Variants in RBMS1 observed in about 807,000 individuals in gnomAD.
RBMS1 encodes the protein RNA-binding motif, single-stranded-interacting protein 1.
In RBMS1, 17 loss-of-function variants were observed where a neutral mutation model predicts 62.3. The ratio of observed to expected loss-of-function variants is 0.27; its 90% CI spans 0.19 to 0.41. The LOEUF (loss-of-function observed/expected upper bound fraction) is 0.41. Among genes scored for constraint, RBMS1 ranks in the 10% least tolerant of loss-of-function variants. RBMS1 has a pLI of 1.00. For missense variants in RBMS1, 334 were observed against 504.5 expected (o/e 0.66, Z 3.24); for synonymous variants, 172 against 170.0 (o/e 1.01, Z -0.09).
At chr2:160,324,880 GTGTATATATATATATA>G (rs1196421809) in intron 2 of RBMS1, among the ~76,000 whole-genome samples, 3 of 76,096 alleles carry the variant, frequency 3.9e-5, no homozygotes, top group African/African-American at 1.2e-4. Context: ...GTGTGTGTGT[GTGTATATATATATATA>G]TATATATATA....
intron 1 of RBMS1, among the ~76,000 whole-genome samples, chr2:160,443,524 G>A (rs559741488): frequency 5.3e-5 from 8 of 151,892 alleles, no homozygotes; most frequent in Non-Finnish European, 8.8e-5. Context: ...AGTTCACACC[G>A]AGATCTGGTC....
chr2:160,333,087 G>T (rs1156492932), intron 2 of RBMS1, among the ~76,000 whole-genome samples: 1 of 152,056 alleles, frequency 6.6e-6, no homozygotes, highest in Non-Finnish European at 1.5e-5. Flanking sequence ...AGGTGGAGGT[G>T]AGTTCACTCT....
chr2:160,471,393 T>C (rs577323061), intron 1 of RBMS1, among the ~76,000 whole-genome samples: 1 of 152,164 alleles, frequency 6.6e-6, no homozygotes, highest in African/African-American at 2.4e-5. Context: ...ATATTAAAAC[T>C]AGGAGTCTCT....
At chr2:160,324,240 C>T (rs562838366) in intron 2 of RBMS1, among the ~76,000 whole-genome samples, 27 of 151,506 alleles carry the variant, frequency 1.8e-4, no homozygotes, top group East Asian at 9.8e-4. Context: ...TATGTGTGTG[C>T]GTGCAAGCAT....
At chr2:160,290,595 C>A (rs758400241) in intron 6 of RBMS1, among the ~76,000 whole-genome samples, 5 of 152,092 alleles carry the variant, frequency 3.3e-5, no homozygotes, top group African/African-American at 4.8e-5. Flanking sequence ...TAGTTGTGAT[C>A]TTTTGGGTTT....
At chr2:160,348,725 A>C (rs1396724867) in intron 2 of RBMS1, among the ~76,000 whole-genome samples, 1 of 152,178 alleles carries the variant, frequency 6.6e-6, no homozygotes, top group African/African-American at 2.4e-5. Flanking sequence ...ATTGGTCCTA[A>C]TGATGAGTCT....
chr2:160,293,913 A>G (rs1378039784), intron 6 of RBMS1, among the ~76,000 whole-genome samples: 1 of 152,212 alleles, frequency 6.6e-6, no homozygotes, highest in Non-Finnish European at 1.5e-5. Context: ...TAGATAACTA[A>G]AACTTCCCAT....
At chr2:160,386,117 C>T (rs764114946) in intron 1 of RBMS1, among the ~76,000 whole-genome samples, 8 of 152,164 alleles carry the variant, frequency 5.3e-5, no homozygotes, top group South Asian at 2.1e-4. Context: ...ATGCTAAGGG[C>T]GTAAGCAGCT....
chr2:160,491,763 T>C (rs1574126964), intron 1 of RBMS1, among the ~76,000 whole-genome samples: 1 of 152,214 alleles, frequency 6.6e-6, no homozygotes, highest in East Asian at 1.9e-4. Flanking sequence ...GTGCATTGAT[T>C]ATGCCACAAA....
intron 1 of RBMS1, among the ~76,000 whole-genome samples, chr2:160,450,644 C>T (rs1683944171): frequency 2.0e-5 from 3 of 150,282 alleles, no homozygotes; most frequent in Admixed American, 2.0e-4. Flanking sequence ...AGAATGCCTT[C>T]TTCCTTTGGA....
intron 5 of RBMS1, among the ~76,000 whole-genome samples, chr2:160,301,548 C>T (rs1159395073): frequency 2.0e-5 from 3 of 152,128 alleles, no homozygotes; most frequent in Admixed American, 1.3e-4. Context: ...AGAAATGATA[C>T]GACTTGATCT....
chr2:160,360,588 G>A (rs1200572534), intron 2 of RBMS1, among the ~76,000 whole-genome samples: 2 of 152,148 alleles, frequency 1.3e-5, no homozygotes, highest in African/African-American at 2.4e-5. Context: ...CAACTGCCGA[G>A]TGCCAGCTCT....
intron 1 of RBMS1, among the ~76,000 whole-genome samples, chr2:160,402,466 C>A (rs1304771750): frequency 6.6e-6 from 1 of 151,956 alleles, no homozygotes. Flanking sequence ...TTAGCAAATT[C>A]AAAAATGCAG....
In RBMS1 at chr2:160,347,153, T is replaced by C. The variant is rs545609794; in HGVS notation, c.251+20063A>G. ...TCCACTTTGAGTATTAATGCAGAGG[T>C]GGGACCATGGCTTTTTTCTTTTTTT... is the stretch of plus-strand genomic sequence containing the variant. On this transcript the variant is annotated intron_variant, in intron 2 of 13. Coordinates refer to ENST00000348849, the MANE Select transcript of RBMS1 (RefSeq NM_016836.4). 5.9e-5 allele frequency among the ~76,000 whole-genome samples: 9 copies of C among 152,218 alleles called. No individual in the cohort carries two copies. In the South Asian group the frequency reaches 1.7e-3, roughly 28 times the overall value.
At chr2:160,397,919 C>T (rs1225021850) in intron 1 of RBMS1, among the ~76,000 whole-genome samples, 1 of 152,200 alleles carries the variant, frequency 6.6e-6, no homozygotes, top group East Asian at 1.9e-4. Context: ...GCCTAAGGCT[C>T]CCCCCTACTC....
intron 1 of RBMS1, among the ~76,000 whole-genome samples, chr2:160,388,371 A>G (rs1178703327): frequency 6.6e-6 from 1 of 152,114 alleles, no homozygotes; most frequent in Non-Finnish European, 1.5e-5. Flanking sequence ...GAGGGACCCA[A>G]TGGTTTACAT....
chr2:160,286,288 C>G (rs796082169), intron 7 of RBMS1, among the ~76,000 whole-genome samples: 15 of 142,548 alleles, frequency 1.1e-4, no homozygotes, highest in African/African-American at 3.3e-4. Context: ...CAACAGAGAC[C>G]ATGTTTCTTC....
intron 2 of RBMS1, among the ~76,000 whole-genome samples, chr2:160,366,396 C>A (rs2106023615): frequency 6.6e-6 from 1 of 152,308 alleles, no homozygotes; most frequent in South Asian, 2.1e-4. Context: ...ATGCAAAATT[C>A]TCTCTTTAAG....
chr2:160,333,432 C>G (rs1371479801), intron 2 of RBMS1, among the ~76,000 whole-genome samples: 3 of 152,188 alleles, frequency 2.0e-5, no homozygotes, highest in East Asian at 3.8e-4. Flanking sequence ...GGTCAGCCCC[C>G]ACCAGGCCAG....
Sources: gnomAD v4.1 joint callset for allele counts (sites outside exome capture counted in the v4.1 genomes callset) on GRCh38, gnomAD v4.1.1 for gene constraint, MANE v1.5 for transcripts, NCBI Gene and HGNC (gene_info 2026-07-23, HGNC 2026-07-21) for gene names.